The following PLSCR4 variants were observed in gnomAD, a reference collection of about 807,000 sequenced individuals.
The protein encoded by PLSCR4 is phospholipid scramblase 4, also known as Ca(2+)-dependent phospholipid scramblase 4.
In PLSCR4, 25 loss-of-function variants were observed where a neutral mutation model predicts 36.3. The ratio of observed to expected loss-of-function variants is 0.69; its 90% CI spans 0.50 to 0.96. The LOEUF (loss-of-function observed/expected upper bound fraction) is 0.96, where lower values mean the gene tolerates loss of function less well. PLSCR4 is among the 40% of genes least tolerant of loss of function. The pLI is 0.00. For synonymous variants in PLSCR4, 122 were observed against 132.9 expected (o/e 0.92, Z 0.56); for missense variants, 408 against 414.7 (o/e 0.98, Z 0.14).
At chr3:146,200,950 C>A in intron 5 of PLSCR4, 85 bp downstream of exon 5, 1 of 820,228 alleles carries the variant, frequency 1.2e-6, no homozygotes, top group South Asian at 1.7e-5. Context: ...AAAACATGAT[C>A]AATATAAAGA....
At chr3:146,206,417 T>C (rs2034330398) in intron 4 of PLSCR4, 109 bp downstream of exon 4, 1 of 730,790 alleles carries the variant, frequency 1.4e-6, no homozygotes, top group Admixed American at 2.3e-5. Context: ...ATGGCATCTG[T>C]CATCACTGAC....
chr3:146,232,603 T>C (rs1214576905), intron 1 of PLSCR4, among the ~76,000 whole-genome samples: 1 of 152,194 alleles, frequency 6.6e-6, no homozygotes, highest in African/African-American at 2.4e-5. Flanking sequence ...TTTGTAGCTA[T>C]TGTGAATGGT....
At chr3:146,197,827 T>A (rs919244853) in intron 6 of PLSCR4, among the ~76,000 whole-genome samples, 12 of 152,160 alleles carry the variant, frequency 7.9e-5, no homozygotes, top group Non-Finnish European at 7.4e-5. Flanking sequence ...CACAGCTTCA[T>A]AAATTATTAA....
chr3:146,194,537 G>C, intron 8 of PLSCR4, 82 bp from the exon 9 acceptor site: 1 of 842,900 alleles, frequency 1.2e-6, no homozygotes, highest in Non-Finnish European at 2.0e-6. Context: ...TAATTTATTA[G>C]GGGATTCCCC....
chr3:146,212,433 T>C (rs1375475359), intron 3 of PLSCR4, among the ~76,000 whole-genome samples: 6 of 15,340 alleles, frequency 3.9e-4, no homozygotes, highest in African/African-American at 3.3e-3. Context: ...GGTTTTTTTG[T>C]TTTGTTTTTT....
chr3:146,193,815 G>A lies in PLSCR4; in HGVS notation c.*596C>T, dbSNP rs1198655141. ...TTAACATTAAAAAATGTTTTATTTTGTAATAAAATCAAATTTCCCATTGAA... is the reference window on the plus strand; with the variant it reads ...TTAACATTAAAAAATGTTTTATTTTATAATAAAATCAAATTTCCCATTGAA... On this transcript the variant is annotated 3_prime_UTR_variant, in exon 9 of 9. Coordinates refer to ENST00000354952, the MANE Select transcript of PLSCR4 (RefSeq NM_020353.3). 1 of 152,154 alleles carries A rather than the reference G, an allele frequency of 6.6e-6. No homozygotes were observed. Among genetic ancestry groups the A allele is most frequent in the African/African-American group, 2.4e-5 (1 of 41,440 alleles). 9.4% of individuals were successfully genotyped at this position (152,154 alleles called of 1,614,324 possible). A position where few individuals can be genotyped will look rare whatever the true frequency, so the allele number is the denominator to read the frequency against.
chr3:146,219,564 C>T (rs2035048048), intron 3 of PLSCR4, among the ~76,000 whole-genome samples: 1 of 152,072 alleles, frequency 6.6e-6, no homozygotes, highest in Admixed American at 6.6e-5. Context: ...CTGATGCTTT[C>T]AGAAAACACT....
At chr3:146,216,866 G>A (rs1313312108) in intron 3 of PLSCR4, among the ~76,000 whole-genome samples, 2 of 152,130 alleles carry the variant, frequency 1.3e-5, no homozygotes, top group East Asian at 1.9e-4. Flanking sequence ...CAATGCAGTG[G>A]TCTGGGGTCA....
chr3:146,243,316 TATC>T (rs1292669031), intron 1 of PLSCR4, among the ~76,000 whole-genome samples: 1 of 152,038 alleles, frequency 6.6e-6, no homozygotes, highest in Non-Finnish European at 1.5e-5. Context: ...ATCTCTTTCT[TATC>T]ATCATGATCC....
chr3:146,247,985 A>G (rs2036406931), intron 1 of PLSCR4, among the ~76,000 whole-genome samples: 1 of 152,226 alleles, frequency 6.6e-6, no homozygotes, highest in Non-Finnish European at 1.5e-5. Flanking sequence ...AAGGACTAGC[A>G]TATCTATCTC....
intron 1 of PLSCR4, among the ~76,000 whole-genome samples, chr3:146,223,969 T>C (rs1424506595): frequency 2.0e-5 from 3 of 148,516 alleles, no homozygotes; most frequent in Non-Finnish European, 3.0e-5. Flanking sequence ...TATTTATTTA[T>C]TTATTTATTT....
At chr3:146,195,984 T>C (rs2033715566) in intron 7 of PLSCR4, among the ~76,000 whole-genome samples, 1 of 152,218 alleles carries the variant, frequency 6.6e-6, no homozygotes, top group African/African-American at 2.4e-5. Flanking sequence ...CTTGCCTAAT[T>C]GCAAGGCATT....
At chr3:146,244,567 T>C (rs1476357938) in intron 1 of PLSCR4, among the ~76,000 whole-genome samples, 5 of 152,074 alleles carry the variant, frequency 3.3e-5, no homozygotes, top group African/African-American at 1.2e-4. Context: ...TGATCTTTGA[T>C]GTTACTATTA....
chr3:146,208,169 C>T (rs1003407006), intron 3 of PLSCR4, among the ~76,000 whole-genome samples: 11 of 151,966 alleles, frequency 7.2e-5, no homozygotes, highest in African/African-American at 2.4e-4. Context: ...AAACAAAACA[C>T]AAAGTGGGGA....
intron 4 of PLSCR4, among the ~76,000 whole-genome samples, chr3:146,205,792 G>T (rs1044423269): frequency 1.3e-5 from 2 of 151,948 alleles, no homozygotes. Flanking sequence ...AACTGAAACC[G>T]CAGGAATCAA....
intron 1 of PLSCR4, among the ~76,000 whole-genome samples, chr3:146,236,194 C>T (rs2035908169): frequency 6.6e-6 from 1 of 151,978 alleles, no homozygotes; most frequent in South Asian, 2.1e-4. Flanking sequence ...GGAAAAAATG[C>T]CTTGAAGGCA....
Position 146,196,639 on chromosome 3 carries a change from A to G in PLSCR4, c.779T>C (p.Val260Ala). ...ATTTTTACATAGTTTCACCTCAAAA[A>G]CAGAATCTGAACCACAGCCATAGGT... ...CSTYGCGSDS[V>A]FEVKSLDGIS... is the part of the protein sequence containing the mutation. Residue 260 changes from valine to alanine, a missense_variant, in exon 7 of 9, where the codon GTT (valine) becomes GCT (alanine). Physicochemically the swap from Val to Ala is moderately conservative, Grantham distance 64. Transcript: ENST00000354952. 7.4e-6 allele frequency: 12 copies of G among 1,613,852 alleles called. No homozygotes were observed. Among genetic ancestry groups the G allele is most frequent in the Non-Finnish European group, 1.0e-5 (12 of 1,179,818 alleles).
chr3:146,200,914 A>T (rs753833773), intron 5 of PLSCR4, 121 bp downstream of exon 5: 1 of 639,756 alleles, frequency 1.6e-6, no homozygotes, highest in Non-Finnish European at 2.7e-6. Flanking sequence ...AGGGTAATAG[A>T]GCAGTTTTTT....
chr3:146,231,734 T>C (rs1471271457), intron 1 of PLSCR4, among the ~76,000 whole-genome samples: 3 of 152,240 alleles, frequency 2.0e-5, no homozygotes, highest in Non-Finnish European at 4.4e-5. Flanking sequence ...TTTGTTTAAA[T>C]TCCTTACAGA....
Sources: gnomAD v4.1 joint callset for allele counts (sites outside exome capture counted in the v4.1 genomes callset) on GRCh38, gnomAD v4.1.1 for gene constraint, MANE v1.5 for transcripts, NCBI Gene and HGNC (gene_info 2026-07-23, HGNC 2026-07-21) for gene names.